The following LRRC63 variants were observed in gnomAD, a reference collection of about 807,000 sequenced individuals.
LRRC63 encodes leucine rich repeat containing 63.
A neutral mutation model predicts 49.5 loss-of-function variants in LRRC63; 40 were observed. That is an observed-to-expected ratio of 0.81 (90% CI 0.63 to 1.05). LRRC63 has a LOEUF of 1.05. Among genes scored for constraint, LRRC63 ranks in the 50% least tolerant of loss-of-function variants. The pLI is 0.00. For synonymous variants in LRRC63, 191 were observed against 221.1 expected (o/e 0.86, Z 1.21); for missense variants, 636 against 663.1 (o/e 0.96, Z 0.45).
At chr13:46,226,766 A>G (rs2046589187) in intron 2 of LRRC63, among the ~76,000 whole-genome samples, 1 of 152,156 alleles carries the variant, frequency 6.6e-6, no homozygotes, top group Admixed American at 6.5e-5. Flanking sequence ...GTAAAGGGTG[A>G]AGTGTTGAAG....
intron 9 of LRRC63, among the ~76,000 whole-genome samples, chr13:46,268,933 C>T (rs992772171): frequency 6.6e-6 from 1 of 151,622 alleles, no homozygotes; most frequent in Admixed American, 6.6e-5. Flanking sequence ...TAGGAAGAAA[C>T]AAACCTAATG....
chr13:46,247,814 A>C (rs1310539959), intron 6 of LRRC63, among the ~76,000 whole-genome samples: 1 of 152,128 alleles, frequency 6.6e-6, no homozygotes, highest in Non-Finnish European at 1.5e-5. Context: ...AGATGGGAGA[A>C]GGTAGAAGCA....
chr13:46,256,019 A>G (rs1415445694), intron 7 of LRRC63, among the ~76,000 whole-genome samples: 2 of 152,196 alleles, frequency 1.3e-5, no homozygotes, highest in East Asian at 3.9e-4. Flanking sequence ...GGATTCACCC[A>G]TGTTGTATAT....
At chr13:46,249,560 A>G (rs145135554) in intron 6 of LRRC63, among the ~76,000 whole-genome samples, 2,314 of 152,002 alleles carry the variant, frequency 0.015, 76 homozygotes, top group African/African-American at 0.052. Flanking sequence ...GACACAAGAA[A>G]GGTCTTTAGA....
intron 5 of LRRC63, among the ~76,000 whole-genome samples, chr13:46,237,406 T>C (rs1566487409): frequency 6.6e-6 from 1 of 152,182 alleles, no homozygotes; most frequent in African/African-American, 2.4e-5. Flanking sequence ...TGTTGGTTCA[T>C]TGATTGTAAC....
At chr13:46,250,372 T>G (rs2047345535) in exon 7 of LRRC63, 1 of 1,516,122 alleles carries the variant, frequency 6.6e-7, no homozygotes, top group South Asian at 1.2e-5. Context: ...GTCTTAAAAA[T>G]TTACAAATAC....
chr13:46,216,504 A>G (rs1000359968), intron 2 of LRRC63, among the ~76,000 whole-genome samples: 1 of 152,214 alleles, frequency 6.6e-6, no homozygotes, highest in African/African-American at 2.4e-5. Flanking sequence ...TTATCAGCTT[A>G]AGGAGACTTT....
At chr13:46,217,014 A>T (rs1010794049) in intron 2 of LRRC63, among the ~76,000 whole-genome samples, 1 of 152,094 alleles carries the variant, frequency 6.6e-6, no homozygotes, top group Non-Finnish European at 1.5e-5. Context: ...GTTTGCCACT[A>T]TTTTATTGAG....
chr13:46,250,272 CAG>C (rs970389388), intron 6 of LRRC63, 81 bp from the exon 7 acceptor site: 1 of 1,198,254 alleles, frequency 8.3e-7, no homozygotes, highest in African/African-American at 1.5e-5. Flanking sequence ...TACATTAGTT[CAG>C]AGAGTTTATA....
intron 4 of LRRC63, among the ~76,000 whole-genome samples, chr13:46,231,943 G>A (rs943285448): frequency 6.6e-6 from 1 of 151,552 alleles, no homozygotes; most frequent in African/African-American, 2.4e-5. Flanking sequence ...AGCCTCACGA[G>A]TAGCTAGGAC....
At chr13:46,223,751 G>C (rs1278176384) in intron 2 of LRRC63, among the ~76,000 whole-genome samples, 1 of 152,100 alleles carries the variant, frequency 6.6e-6, no homozygotes, top group East Asian at 1.9e-4. Flanking sequence ...AGCTACTTGG[G>C]AGGCTGAGGC....
intron 5 of LRRC63, among the ~76,000 whole-genome samples, chr13:46,238,870 T>G (rs576947587): frequency 6.6e-6 from 1 of 152,274 alleles, no homozygotes; most frequent in Admixed American, 6.5e-5. Flanking sequence ...GAAAATTAAA[T>G]GACATGCTCC....
intron 2 of LRRC63, among the ~76,000 whole-genome samples, chr13:46,226,302 C>T (rs1261882086): frequency 1.3e-5 from 2 of 152,064 alleles, no homozygotes; most frequent in Admixed American, 6.6e-5. Flanking sequence ...TTTCTCAACT[C>T]ATATTATAGT....
chr13:46,275,537 A>G (rs1395134156), intron 9 of LRRC63, among the ~76,000 whole-genome samples: 2 of 151,856 alleles, frequency 1.3e-5, no homozygotes, highest in Admixed American at 1.3e-4. Flanking sequence ...ATATCTTATT[A>G]TGGTTTTGAT....
At chr13:46,250,724 C>T (rs1034176871) in intron 7 of LRRC63, among the ~76,000 whole-genome samples, 11 of 151,868 alleles carry the variant, frequency 7.2e-5, no homozygotes, top group Non-Finnish European at 1.2e-4. Flanking sequence ...TATCTGAGTA[C>T]GGGTTAAATT....
chr13:46,252,027 A>G (rs978056307), intron 7 of LRRC63, among the ~76,000 whole-genome samples: 2 of 151,976 alleles, frequency 1.3e-5, no homozygotes, highest in African/African-American at 2.4e-5. Context: ...TAAATAACAT[A>G]GGATATGTAT....
chr13:46,214,308 C>T (rs1358848095), intron 2 of LRRC63, among the ~76,000 whole-genome samples: 3 of 152,162 alleles, frequency 2.0e-5, no homozygotes, highest in Non-Finnish European at 4.4e-5. Context: ...TGTAATACTG[C>T]CACAATTTCC....
intron 9 of LRRC63, among the ~76,000 whole-genome samples, chr13:46,270,959 G>A (rs2047749770): frequency 6.6e-6 from 1 of 152,186 alleles, no homozygotes; most frequent in Admixed American, 6.5e-5. Flanking sequence ...GTTTTAAGTA[G>A]CTAAGTAAAA....
intron 9 of LRRC63, among the ~76,000 whole-genome samples, chr13:46,269,788 A>C (rs2047729927): frequency 6.8e-6 from 1 of 147,144 alleles, no homozygotes; most frequent in Non-Finnish European, 1.5e-5. Context: ...TAGTTGAATA[A>C]TATATATATA....
Sources: allele counts gnomAD v4.1 joint callset (sites outside exome capture counted in the v4.1 genomes callset), GRCh38; gene constraint gnomAD v4.1.1; transcripts MANE v1.5; gene names NCBI Gene and HGNC (gene_info 2026-07-23, HGNC 2026-07-21).